DLGAP1: variants seen among roughly 807,000 people sequenced by gnomAD.
DLGAP1 encodes disks large-associated protein 1.
DLGAP1 carries 11 observed loss-of-function variants against 90.8 expected under a neutral mutation model. The observed-to-expected ratio is 0.12, with a 90% CI of 0.08 to 0.20. The LOEUF (loss-of-function observed/expected upper bound fraction) is 0.20. DLGAP1 is among the 10% of genes least tolerant of loss of function. The pLI, the probability that DLGAP1 is intolerant of heterozygous loss-of-function variation, is 1.00. For missense variants in DLGAP1, 1,050 were observed against 1,333.8 expected (o/e 0.79, Z 3.31); for synonymous variants, 558 against 540.7 (o/e 1.03, Z -0.44).
At chr18:4,067,860 T>G (rs1347433992) in intron 2 of DLGAP1, among the ~76,000 whole-genome samples, 1 of 152,108 alleles carries the variant, frequency 6.6e-6, no homozygotes, top group Non-Finnish European at 1.5e-5. Flanking sequence ...CTTACATGTA[T>G]TGACTTATGT....
chr18:3,538,059 TAAAG>T (rs1290049111), intron 9 of DLGAP1, among the ~76,000 whole-genome samples: 1 of 152,084 alleles, frequency 6.6e-6, no homozygotes, highest in Non-Finnish European at 1.5e-5. Context: ...CCATCAAAAA[TAAAG>T]AATGACCAGA....
At chr18:3,580,111 T>G (rs2055400363) in intron 8 of DLGAP1, 6 of 968,122 alleles carry the variant, frequency 6.2e-6, no homozygotes, top group Non-Finnish European at 8.3e-6. Flanking sequence ...GAGTCACACA[T>G]TCAATTTAGA....
At chr18:4,377,859 T>C (rs2082045328) in intron 1 of DLGAP1, among the ~76,000 whole-genome samples, 1 of 151,962 alleles carries the variant, frequency 6.6e-6, no homozygotes, top group African/African-American at 2.4e-5. Context: ...GATTTTCAAA[T>C]TCTACAATTT....
intron 1 of DLGAP1, among the ~76,000 whole-genome samples, chr18:4,205,830 A>C (rs1460411004): frequency 6.6e-6 from 1 of 152,244 alleles, no homozygotes; most frequent in African/African-American, 2.4e-5. Flanking sequence ...AGGAGAAGCC[A>C]CATACAATCG....
intron 1 of DLGAP1, among the ~76,000 whole-genome samples, chr18:4,223,898 T>C (rs937238440): frequency 1.3e-5 from 2 of 152,246 alleles, no homozygotes; most frequent in African/African-American, 4.8e-5. Flanking sequence ...TAAATCATTA[T>C]AACTTAATTC....
intron 2 of DLGAP1, among the ~76,000 whole-genome samples, chr18:4,065,992 G>C (rs2075365242): frequency 6.6e-6 from 1 of 152,074 alleles, no homozygotes; most frequent in Non-Finnish European, 1.5e-5. Flanking sequence ...GAACAGCATA[G>C]AGAAGTCAGA....
intron 7 of DLGAP1, among the ~76,000 whole-genome samples, chr18:3,679,237 A>G (rs1196692601): frequency 2.7e-5 from 4 of 149,600 alleles, no homozygotes; most frequent in South Asian, 2.2e-4. Context: ...ATCTTTTCAG[A>G]AAAGCTCTTG....
At chr18:4,393,309 C>T (rs1356638927) in intron 1 of DLGAP1, among the ~76,000 whole-genome samples, 1 of 152,014 alleles carries the variant, frequency 6.6e-6, no homozygotes, top group Non-Finnish European at 1.5e-5. Context: ...GTACTCCATG[C>T]CTCTCTCTCT....
intron 8 of DLGAP1, among the ~76,000 whole-genome samples, chr18:3,572,137 G>A (rs888124841): frequency 1.4e-5 from 2 of 145,002 alleles, no homozygotes; most frequent in African/African-American, 5.2e-5. Flanking sequence ...GGAGTGCAAT[G>A]GCGCGATCTC....
At chr18:3,693,280 G>T (rs2060963789) in intron 7 of DLGAP1, among the ~76,000 whole-genome samples, 1 of 151,856 alleles carries the variant, frequency 6.6e-6, no homozygotes, top group Non-Finnish European at 1.5e-5. Flanking sequence ...AGAGATTGGG[G>T]TCTCCCTATG....
intron 4 of DLGAP1, among the ~76,000 whole-genome samples, chr18:3,865,332 G>C (rs2070318238): frequency 6.6e-6 from 1 of 152,174 alleles, no homozygotes; most frequent in Non-Finnish European, 1.5e-5. Context: ...TGTTGAAACA[G>C]ACAAGCAAAT....
intron 3 of DLGAP1, among the ~76,000 whole-genome samples, chr18:3,991,333 T>C (rs1431283134): frequency 1.3e-5 from 2 of 152,238 alleles, no homozygotes; most frequent in Non-Finnish European, 2.9e-5. Context: ...TATTTACTCA[T>C]CTCTCTGTAT....
At chr18:3,931,582 A>G (rs1169966620) in intron 3 of DLGAP1, among the ~76,000 whole-genome samples, 2 of 152,214 alleles carry the variant, frequency 1.3e-5, no homozygotes, top group East Asian at 3.9e-4. Flanking sequence ...TTCATTAATT[A>G]TGCACAAGGT....
intron 1 of DLGAP1, among the ~76,000 whole-genome samples, chr18:4,154,640 G>A (rs115907664): frequency 4.7e-4 from 72 of 152,218 alleles, no homozygotes; most frequent in African/African-American, 1.7e-3. Context: ...AGTGGAGAAG[G>A]TCCCGATCAG....
At chr18:3,819,824 T>C (rs2067306907) in intron 4 of DLGAP1, among the ~76,000 whole-genome samples, 1 of 152,220 alleles carries the variant, frequency 6.6e-6, no homozygotes, top group South Asian at 2.1e-4. Context: ...TGTTATTTTT[T>C]GATAAACTAC....
In DLGAP1 at chr18:4,454,308, G is replaced by C. The variant is rs891907321; in HGVS notation, c.-267+698C>G. On this transcript the variant is annotated intron_variant, in intron 1 of 12. Transcript: ENST00000315677. This position sits in a 1 kb window ranked among gnomAD's most constrained non-coding sequence, Gnocchi z 4.7. Reference sequence around the variant, plus strand: ...TCCAGCCCGGCTCATTCAATTCGCTGAATGTCGGGTCTCCCGGCCCGCCCC... The same window carrying C: ...TCCAGCCCGGCTCATTCAATTCGCTCAATGTCGGGTCTCCCGGCCCGCCCC... Among the ~76,000 whole-genome samples the C allele has an allele frequency of 6.6e-6, 1 of 152,158 alleles. No individual in the cohort carries two copies.
chr18:3,863,719 T>G (rs548841158), intron 4 of DLGAP1, among the ~76,000 whole-genome samples: 2 of 152,346 alleles, frequency 1.3e-5, no homozygotes, highest in East Asian at 3.9e-4. Flanking sequence ...CTTGCTAGGT[T>G]TCTTCCCCAG....
chr18:4,342,774 C>A lies in DLGAP1; in HGVS notation c.-267+112232G>T, dbSNP rs1375826825. Among the ~76,000 whole-genome samples, 2 of 152,068 alleles carry A rather than the reference C, an allele frequency of 1.3e-5. No individual in the cohort carries two copies. The highest frequency in any genetic ancestry group is 4.8e-5 in the African/African-American group (2 of 41,420). On this transcript the variant is annotated intron_variant, in intron 1 of 12. Coordinates refer to ENST00000315677, the MANE Select transcript of DLGAP1 (RefSeq NM_004746.4). The surrounding 1 kb of genome is among the most constrained non-coding windows in gnomAD (Gnocchi z 5.8). ...TATTTTAAAAGACACTGGAAATAAA[C>A]CCCCCAAAATGAAGAATATTTAATA... is the stretch of plus-strand genomic sequence containing the variant.
At chr18:3,632,580 G>A (rs2058563535) in intron 7 of DLGAP1, among the ~76,000 whole-genome samples, 1 of 152,168 alleles carries the variant, frequency 6.6e-6, no homozygotes, top group Non-Finnish European at 1.5e-5. Flanking sequence ...TACGATTACA[G>A]GTGTGAGCCA....
Sources: gnomAD v4.1 joint callset for allele counts (sites outside exome capture counted in the v4.1 genomes callset) on GRCh38, gnomAD v4.1.1 for gene constraint, Gnocchi (gnomAD v3.1) non-coding constraint, MANE v1.5 for transcripts, NCBI Gene and HGNC (gene_info 2026-07-23, HGNC 2026-07-21) for gene names.